EPHB1: variants seen among roughly 807,000 people sequenced by gnomAD.
EPHB1 encodes EPH receptor B1.
Under a neutral mutation model 94.4 loss-of-function variants are expected in EPHB1, and 30 were observed. The ratio of observed to expected loss-of-function variants is 0.32; its 90% confidence interval spans 0.24 to 0.43. The LOEUF (loss-of-function observed/expected upper bound fraction) is 0.43, where lower values mean the gene tolerates loss of function less well. Among genes scored for constraint, EPHB1 ranks in the 20% least tolerant of loss-of-function variants. The pLI is 1.00. For synonymous variants in EPHB1, 522 were observed against 489.1 expected (o/e 1.07, Z -0.89); for missense variants, 1,055 against 1,308.3 (o/e 0.81, Z 2.99).
At chr3:134,914,695 A>G (rs1195809584) in intron 1 of EPHB1, among the ~76,000 whole-genome samples, 1 of 152,156 alleles carries the variant, frequency 6.6e-6, no homozygotes, top group Non-Finnish European at 1.5e-5. Flanking sequence ...GGGGAGATTA[A>G]TGAAGTTCTG....
intron 1 of EPHB1, among the ~76,000 whole-genome samples, chr3:134,800,025 A>T (rs372992722): frequency 6.6e-6 from 1 of 152,166 alleles, no homozygotes; most frequent in African/African-American, 2.4e-5. Context: ...GGGGCAATGA[A>T]AGGAATATAT....
At chr3:134,811,239 A>G (rs963872101) in intron 1 of EPHB1, among the ~76,000 whole-genome samples, 2 of 26,420 alleles carry the variant, frequency 7.6e-5, no homozygotes, top group Admixed American at 4.6e-4. Flanking sequence ...CCCTACTAAG[A>G]AGGTTTTTTT....
At chr3:135,050,937 TG>T in intron 3 of EPHB1, among the ~76,000 whole-genome samples, 1 of 152,038 alleles carries the variant, frequency 6.6e-6, no homozygotes, top group East Asian at 1.9e-4. Context: ...TGTGTGTGTG[TG>T]TGTGTGTGTT....
chr3:134,830,394 AATG>A (rs2036560067), intron 1 of EPHB1, among the ~76,000 whole-genome samples: 1 of 152,190 alleles, frequency 6.6e-6, no homozygotes, highest in African/African-American at 2.4e-5. Context: ...TTTATTGCAA[AATG>A]ATATTTCTTC....
intron 3 of EPHB1, among the ~76,000 whole-genome samples, chr3:135,094,643 G>C (rs1309555107): frequency 6.6e-6 from 1 of 152,214 alleles, no homozygotes; most frequent in African/African-American, 2.4e-5. Flanking sequence ...AGGAAGTACA[G>C]TTGTTCCCAG....
At chr3:135,251,324 G>C (rs576185060) in intron 15 of EPHB1, among the ~76,000 whole-genome samples, 132 of 152,238 alleles carry the variant, frequency 8.7e-4, no homozygotes, top group African/African-American at 3.1e-3. Context: ...TAATCAGAGG[G>C]ACTGAGTTCA....
At chr3:134,836,107 C>T (rs1276319292) in intron 1 of EPHB1, among the ~76,000 whole-genome samples, 1 of 152,174 alleles carries the variant, frequency 6.6e-6, no homozygotes, top group African/African-American at 2.4e-5. Context: ...GGCCCTCCCT[C>T]ATGGAGAGCT....
intron 6 of EPHB1, among the ~76,000 whole-genome samples, chr3:135,160,809 G>A (rs1941483665): frequency 6.6e-6 from 1 of 152,198 alleles, no homozygotes. Context: ...TCCAAGAGAA[G>A]AGGCCTTGGG....
intron 1 of EPHB1, among the ~76,000 whole-genome samples, chr3:134,861,833 TAACA>T (rs998697436): frequency 1.3e-5 from 2 of 152,186 alleles, no homozygotes; most frequent in Non-Finnish European, 2.9e-5. Context: ...TTGACCTATG[TAACA>T]AACCTGCATG....
At chr3:135,254,584 A>T (rs563630803) in intron 15 of EPHB1, among the ~76,000 whole-genome samples, 2 of 152,194 alleles carry the variant, frequency 1.3e-5, no homozygotes, top group Non-Finnish European at 2.9e-5. Flanking sequence ...ATGGTGAATA[A>T]GCTTTTTGAT....
intron 3 of EPHB1, among the ~76,000 whole-genome samples, chr3:134,964,719 C>T (rs950173769): frequency 6.6e-6 from 1 of 152,118 alleles, no homozygotes; most frequent in African/African-American, 2.4e-5. Flanking sequence ...TTGTCTTTTC[C>T]CTCTGCATCT....
chr3:135,164,191 A>G (rs1375499135), intron 7 of EPHB1, among the ~76,000 whole-genome samples: 2 of 152,220 alleles, frequency 1.3e-5, no homozygotes, highest in Non-Finnish European at 2.9e-5. Flanking sequence ...TTAAATACAT[A>G]TATTACAGAA....
chr3:135,152,739 T>TCC (rs1014256828), intron 5 of EPHB1, among the ~76,000 whole-genome samples: 4 of 152,122 alleles, frequency 2.6e-5, no homozygotes, highest in African/African-American at 9.7e-5. Flanking sequence ...TGCCATGGCA[T>TCC]CCCTGCTGCT....
intron 1 of EPHB1, among the ~76,000 whole-genome samples, chr3:134,830,273 C>G (rs1578120816): frequency 6.6e-6 from 1 of 152,184 alleles, no homozygotes; most frequent in African/African-American, 2.4e-5. Flanking sequence ...AGTAAAAACT[C>G]TTACCTAGCC....
intron 9 of EPHB1, among the ~76,000 whole-genome samples, chr3:135,177,143 C>T (rs1423176466): frequency 3.3e-5 from 5 of 152,110 alleles, no homozygotes; most frequent in African/African-American, 4.8e-5. Flanking sequence ...GAGATGTTAC[C>T]GCCCTCATAG....
intron 4 of EPHB1, among the ~76,000 whole-genome samples, chr3:135,131,123 G>A (rs978174859): frequency 6.6e-6 from 1 of 152,208 alleles, no homozygotes; most frequent in African/African-American, 2.4e-5. Context: ...GCAGATGGGT[G>A]GGGAATTCTT....
chr3:135,036,335 G>A (rs535270120), intron 3 of EPHB1, among the ~76,000 whole-genome samples: 6 of 152,176 alleles, frequency 3.9e-5, no homozygotes, highest in Non-Finnish European at 7.3e-5. Context: ...TGGACAGGGA[G>A]AAAATCAATC....
chr3:134,942,673 G>A (rs1380358179), intron 2 of EPHB1, among the ~76,000 whole-genome samples: 1 of 152,198 alleles, frequency 6.6e-6, no homozygotes, highest in Non-Finnish European at 1.5e-5. Flanking sequence ...GCACTCCATG[G>A]TGGTCGAAGC....
At chr3:135,076,605 A>G (rs778367484) in intron 3 of EPHB1, among the ~76,000 whole-genome samples, 7 of 152,242 alleles carry the variant, frequency 4.6e-5, no homozygotes, top group South Asian at 2.1e-4. Context: ...TTTACTCAAG[A>G]GAATGAAAAC....
Sources: allele counts gnomAD v4.1 joint callset (sites outside exome capture counted in the v4.1 genomes callset), GRCh38; gene constraint gnomAD v4.1.1; transcripts MANE v1.5; gene names NCBI Gene and HGNC (gene_info 2026-07-23, HGNC 2026-07-21).